The following ASB15 variants were observed in gnomAD, a reference collection of about 807,000 sequenced individuals.
ASB15 encodes the protein ankyrin repeat and SOCS box protein 15.
ASB15 carries 54 observed loss-of-function variants against 58.0 expected under a neutral mutation model. The observed-to-expected ratio is 0.93, with a 90% CI of 0.75 to 1.17. ASB15 has a LOEUF of 1.17. Ranked by LOEUF, ASB15 falls within the 50% of genes most tolerant of loss-of-function variation. The pLI, the probability that ASB15 is intolerant of heterozygous loss-of-function variation, is 0.00. For missense variants in ASB15, 680 were observed against 707.4 expected, an observed-to-expected ratio of 0.96 and a Z score of 0.44; for synonymous variants, 249 against 262.4, an observed-to-expected ratio of 0.95 and a Z score of 0.50.
chr7:123,637,694 T>A lies in ASB15; in HGVS notation c.*713T>A, dbSNP rs2116704953. 2 of 151,938 alleles carry A rather than the reference T, an allele frequency of 1.3e-5. No homozygotes were observed. Among genetic ancestry groups the A allele is most frequent in the South Asian group, 4.2e-4 (2 of 4,796 alleles). 9.4% of individuals were successfully genotyped at this position (151,938 alleles called of 1,614,324 possible). A position where few individuals can be genotyped will look rare whatever the true frequency, so the allele number is the denominator to read the frequency against. Reference sequence around the variant, plus strand: ...TCTTTAAGTTATATATCCTAAGCCCTCTTTGCTTTGTTCTCTGGGATATTT... The same window carrying A: ...TCTTTAAGTTATATATCCTAAGCCCACTTTGCTTTGTTCTCTGGGATATTT... On this transcript the variant is annotated 3_prime_UTR_variant, in exon 12 of 12. Coordinates refer to ENST00000451215, the MANE Select transcript of ASB15 (RefSeq NM_001290258.2).
At chr7:123,600,468 C>T (rs757768326), upstream of ASB15, among the ~76,000 whole-genome samples, 1 of 152,108 alleles carries the variant, frequency 6.6e-6, no homozygotes, top group Non-Finnish European at 1.5e-5. Context: ...TTGCATTATA[C>T]TCTAAAGCTT....
intron 1 of ASB15, among the ~76,000 whole-genome samples, chr7:123,579,679 G>A (rs988928393): frequency 5.3e-5 from 8 of 152,044 alleles, no homozygotes; most frequent in East Asian, 3.9e-4. Flanking sequence ...GCTCCTGGGA[G>A]TTGAGTTAAT....
At chr7:123,632,292 G>GA (rs1802164930) in intron 11 of ASB15, among the ~76,000 whole-genome samples, 1 of 151,860 alleles carries the variant, frequency 6.6e-6, no homozygotes, top group Non-Finnish European at 1.5e-5. Context: ...ATAAAAATTA[G>GA]AAAAAATTAA....
chr7:123,568,626 T>C (rs2116255381), intron 1 of ASB15, among the ~76,000 whole-genome samples: 1 of 152,180 alleles, frequency 6.6e-6, no homozygotes, highest in South Asian at 2.1e-4. Context: ...ACTCCACTTC[T>C]GTATGGGAAA....
At chr7:123,579,029 A>G (rs1413107588) in intron 1 of ASB15, among the ~76,000 whole-genome samples, 1 of 152,062 alleles carries the variant, frequency 6.6e-6, no homozygotes, top group African/African-American at 2.4e-5. Flanking sequence ...TAGTACTAAT[A>G]GGTGGTTTTT....
In ASB15 at chr7:123,617,583, C is replaced by T. The variant is rs770385759; in HGVS notation, c.297C>T (p.Ser99=). Residue 99 remains serine, a synonymous_variant, in exon 7 of 12, where the codon TCC becomes TCT. Coordinates refer to ENST00000451215, the MANE Select transcript of ASB15 (RefSeq NM_001290258.2). ...QQILEIVLDA[S]YKTLWEFKTC... ...CATAATGCTTTCATGTCACAGCATC[C>T]TATAAGACACTCTGGGAATTCAAGA... 1.2e-6 allele frequency: 2 copies of T among 1,608,722 alleles called. No individual in the cohort carries two copies. The highest frequency in any genetic ancestry group is 8.5e-7 in the Non-Finnish European group (1 of 1,175,432).
At chr7:123,620,740 T>C (rs1471271657) in intron 7 of ASB15, among the ~76,000 whole-genome samples, 1 of 149,586 alleles carries the variant, frequency 6.7e-6, no homozygotes, top group Non-Finnish European at 1.5e-5. Context: ...TTTTTTGTAT[T>C]TTTATTAGAG....
chr7:123,632,365 T>G (rs1259994905), intron 11 of ASB15, among the ~76,000 whole-genome samples: 2 of 152,050 alleles, frequency 1.3e-5, no homozygotes, highest in Non-Finnish European at 2.9e-5. Flanking sequence ...GACAATACAT[T>G]GAGAGATATA....
At chr7:123,591,992 A>G (rs1799552399) in intron 1 of ASB15, among the ~76,000 whole-genome samples, 2 of 152,148 alleles carry the variant, frequency 1.3e-5, no homozygotes, top group African/African-American at 4.8e-5. Context: ...TTATTGGTCT[A>G]TTCAGAGATT....
chr7:123,620,655 C>T (rs1309323191), intron 7 of ASB15, among the ~76,000 whole-genome samples: 13 of 137,106 alleles, frequency 9.5e-5, no homozygotes, highest in African/African-American at 1.9e-4. Flanking sequence ...CTCTGCCTCC[C>T]GGGTTCACAC....
In ASB15 at chr7:123,628,908, G is replaced by A. The variant is rs184051315; in HGVS notation, c.914G>A (p.Arg305Gln). 363 of 1,573,392 alleles carry A rather than the reference G, an allele frequency of 2.3e-4. No homozygotes were observed. The highest frequency in any genetic ancestry group is 6.8e-4 in the South Asian group (57 of 84,224). The change falls in exon 10 of 12, where the codon CGG becomes CAG. Residue 305 changes from arginine to glutamine, a missense_variant. Transcript: ENST00000451215. ...LIPVTSKNAI[R>Q]KSGLTPIHSA... ...CCAGTAACATCTAAAAATGCAATTC[G>A]GAAAAGTGGGCTAACACCAATTCAC...
chr7:123,629,270 C>G lies in ASB15; in HGVS notation c.1276C>G (p.Leu426Val), dbSNP rs1192759836. The G allele has an allele frequency of 1.9e-6, 3 of 1,613,872 alleles. No individual in the cohort carries two copies. The highest frequency in any genetic ancestry group is 2.2e-5 in the South Asian group (2 of 91,060). The change falls in exon 10 of 12, where the codon CTA (leucine) becomes GTA (valine). Residue 426 changes from leucine to valine, a missense_variant. Transcript: ENST00000451215. The stretch of plus-strand genomic sequence containing the variant: ...TTTCCCCAGTGTCATTCAATATGCT[C>G]TAAACGACGAGGTAATGCTGAGGCT... ...TRFPSVIQYA[L>V]NDEVMLRLLL...
intron 1 of ASB15, among the ~76,000 whole-genome samples, chr7:123,602,921 G>C (rs780118349): frequency 6.6e-6 from 1 of 152,094 alleles, no homozygotes; most frequent in Non-Finnish European, 1.5e-5. Flanking sequence ...AGATATGTGG[G>C]CTTAGGTAAG....
intron 1 of ASB15, among the ~76,000 whole-genome samples, chr7:123,571,958 G>C (rs1798918595): frequency 6.6e-6 from 1 of 151,636 alleles, no homozygotes; most frequent in African/African-American, 2.4e-5. Flanking sequence ...TTTTTATAGA[G>C]ATGGAGGTCT....
chr7:123,630,053 CTG>C lies in ASB15; in HGVS notation c.1533_1534del (p.Ala512Ter). Reference protein sequence around the residue: ...VLIDYMDYVPLCAKLKSALEV... With the variant: ...VLIDYMDYVPXCAKLKSALEV... ...AATAGATTACATGGATTATGTTCCT[CTG>C]TGTGCTAAACTGAAGTCTGCACTAG... On this transcript the variant is annotated frameshift_variant, in exon 11 of 12. Coordinates refer to ENST00000451215, the MANE Select transcript of ASB15 (RefSeq NM_001290258.2). LOFTEE classifies it high-confidence loss of function. The C allele has an allele frequency of 6.2e-7, 1 of 1,610,218 alleles. No individual in the cohort carries two copies. The highest frequency in any genetic ancestry group is 1.1e-5 in the South Asian group (1 of 90,692).
At chr7:123,608,862 A>T (rs1800282771) in intron 3 of ASB15, among the ~76,000 whole-genome samples, 1 of 151,890 alleles carries the variant, frequency 6.6e-6, no homozygotes, top group Non-Finnish European at 1.5e-5. Context: ...AATTGTATTT[A>T]TATTGATTTC....
chr7:123,608,869 T>A (rs540064727), intron 3 of ASB15, among the ~76,000 whole-genome samples: 11 of 152,172 alleles, frequency 7.2e-5, no homozygotes, highest in Admixed American at 2.0e-4. Flanking sequence ...TTTATATTGA[T>A]TTCTCCACAT....
At chr7:123,623,432 G>A (rs1040810601) in intron 7 of ASB15, among the ~76,000 whole-genome samples, 4 of 152,186 alleles carry the variant, frequency 2.6e-5, no homozygotes, top group African/African-American at 9.7e-5. Flanking sequence ...AGCCATTAGA[G>A]ATGAGCAGAG....
chr7:123,595,394 A>G (rs1203847169), intron 1 of ASB15, among the ~76,000 whole-genome samples: 1 of 151,998 alleles, frequency 6.6e-6, no homozygotes, highest in Non-Finnish European at 1.5e-5. Flanking sequence ...ATCTTCCTAA[A>G]AGTTTGTCCT....
Sources: gnomAD v4.1 joint callset for allele counts (sites outside exome capture counted in the v4.1 genomes callset) on GRCh38, gnomAD v4.1.1 for gene constraint, MANE v1.5 for transcripts, NCBI Gene and HGNC (gene_info 2026-07-23, HGNC 2026-07-21) for gene names.